The following DYRK1A variants were observed in gnomAD, a reference collection of about 807,000 sequenced individuals.
DYRK1A encodes dual specificity tyrosine-phosphorylation-regulated kinase 1A.
A neutral mutation model predicts 79.7 loss-of-function variants in DYRK1A; 9 were observed. The ratio of observed to expected loss-of-function variants is 0.11; its 90% confidence interval spans 0.07 to 0.20. The LOEUF is 0.20. Among genes scored for constraint, DYRK1A ranks in the 10% least tolerant of loss-of-function variants. DYRK1A has a pLI of 1.00. For synonymous variants in DYRK1A, 349 were observed against 329.7 expected (o/e 1.06, Z -0.63); for missense variants, 622 against 956.0 (o/e 0.65, Z 4.61).
intron 2 of DYRK1A, among the ~76,000 whole-genome samples, chr21:37,423,049 T>A (rs937049787): frequency 6.6e-6 from 1 of 152,186 alleles, no homozygotes; most frequent in African/African-American, 2.4e-5. Flanking sequence ...GGTACTATTA[T>A]AGGTGCTGCT....
intron 1 of DYRK1A, among the ~76,000 whole-genome samples, chr21:37,408,426 T>A (rs1161324855): frequency 6.6e-6 from 1 of 152,228 alleles, no homozygotes; most frequent in African/African-American, 2.4e-5. Context: ...GTTTTGCCCA[T>A]CAGATTTTCT....
intron 1 of DYRK1A, among the ~76,000 whole-genome samples, chr21:37,371,337 A>AT (rs955677015): frequency 6.6e-6 from 1 of 152,166 alleles, no homozygotes; most frequent in Non-Finnish European, 1.5e-5. Context: ...TTTGATTATT[A>AT]TTTTTTTATA....
intron 6 of DYRK1A, among the ~76,000 whole-genome samples, chr21:37,489,824 G>A (rs1286801022): frequency 6.6e-6 from 1 of 152,090 alleles, no homozygotes; most frequent in African/African-American, 2.4e-5. Context: ...GAAGTAAAAA[G>A]TGCTTTCTTT....
intron 2 of DYRK1A, among the ~76,000 whole-genome samples, chr21:37,437,367 T>TA (rs1284651699): frequency 2.0e-5 from 3 of 152,134 alleles, no homozygotes; most frequent in Non-Finnish European, 2.9e-5. Context: ...TAAAACGAGA[T>TA]ATGTTGTAGG....
intron 1 of DYRK1A, among the ~76,000 whole-genome samples, chr21:37,402,210 T>C (rs912748457): frequency 6.6e-6 from 1 of 152,228 alleles, no homozygotes; most frequent in Admixed American, 6.5e-5. Context: ...AGGAAAAATA[T>C]TTATGAAAAC....
intron 2 of DYRK1A, among the ~76,000 whole-genome samples, chr21:37,467,700 G>A (rs1042891827): frequency 6.6e-6 from 1 of 152,312 alleles, no homozygotes. Context: ...AGGAAACTTT[G>A]TTAATCTGGG....
At chr21:37,495,951 A>G (rs2053254254) in intron 8 of DYRK1A, 167 bp from the exon 9 acceptor site, 2 of 571,330 alleles carry the variant, frequency 3.5e-6, no homozygotes, top group Admixed American at 3.6e-5. Flanking sequence ...ATTTGACTCA[A>G]GGAAGGTAGG....
At chr21:37,501,177 T>TA (rs2053437340) in intron 9 of DYRK1A, 1 of 143,324 alleles carries the variant, frequency 7.0e-6, no homozygotes, top group African/African-American at 2.7e-5. Context: ...TTTTTTTTTT[T>TA]TTTTTTTTTT....
chr21:37,425,130 A>G lies in DYRK1A; in HGVS notation c.10+4746A>G, dbSNP rs74883378. Among the ~76,000 whole-genome samples, 335 of 152,250 alleles carry G rather than the reference A, an allele frequency of 2.2e-3. 10 individuals carry two copies. In the East Asian group the frequency reaches 0.05, roughly 23 times the overall value. On this transcript the variant is annotated intron_variant, in intron 2 of 11. Coordinates refer to ENST00000647188, the MANE Select transcript of DYRK1A (RefSeq NM_001347721.2). ...TTTAATACGTTTATGGCATTTGCAC[A>G]TGTTGTTTACCAGTTTTATGTCCAG...
chr21:37,420,444 C>G, intron 2 of DYRK1A, 60 bp downstream of exon 2: 1 of 1,570,624 alleles, frequency 6.4e-7, no homozygotes, highest in Non-Finnish European at 8.7e-7. Flanking sequence ...AATCGATGGT[C>G]TATTTTGAAT....
intron 1 of DYRK1A, among the ~76,000 whole-genome samples, chr21:37,408,813 T>C (rs1292250305): frequency 6.6e-6 from 1 of 152,244 alleles, no homozygotes; most frequent in Non-Finnish European, 1.5e-5. Flanking sequence ...TTGATGGTTA[T>C]GATTTTCTTT....
chr21:37,451,747 A>G (rs1366480805), intron 2 of DYRK1A, among the ~76,000 whole-genome samples: 1 of 152,186 alleles, frequency 6.6e-6, no homozygotes, highest in East Asian at 1.9e-4. Context: ...ATCGCCTGAC[A>G]GTGAATTTCT....
chr21:37,427,270 C>G (rs1433801000), intron 2 of DYRK1A, among the ~76,000 whole-genome samples: 1 of 152,168 alleles, frequency 6.6e-6, no homozygotes, highest in Non-Finnish European at 1.5e-5. Context: ...TGCTGCCACA[C>G]CTGGCTAACT....
At position 37,515,658 on chromosome 21, in the gene DYRK1A, T is replaced by C. The variant is rs2053872690; in HGVS notation, c.*3127T>C. ...TTTTACAAATTCACCTGCTTCAGTA[T>C]ATATTAAGGTGGCTTTCGAGAGGCA... On this transcript the variant is annotated 3_prime_UTR_variant, in exon 12 of 12. Transcript: ENST00000647188. The C allele has an allele frequency of 6.6e-6, 1 of 152,186 alleles. No individual in the cohort carries two copies. Among genetic ancestry groups the C allele is most frequent in the African/African-American group, 2.4e-5 (1 of 41,450 alleles). 9.4% of individuals were successfully genotyped at this position (152,186 alleles called of 1,614,324 possible).
At chr21:37,371,292 T>A (rs1041887765) in intron 1 of DYRK1A, among the ~76,000 whole-genome samples, 2 of 152,206 alleles carry the variant, frequency 1.3e-5, no homozygotes, top group South Asian at 4.1e-4. Context: ...TGAAGAAAGA[T>A]CTTATTTGTT....
chr21:37,430,310 CAT>C, intron 2 of DYRK1A: 1 of 972,676 alleles, frequency 1.0e-6, no homozygotes, highest in Non-Finnish European at 1.2e-6. Context: ...ACTGGAAGAA[CAT>C]AGTGTATTAA....
intron 2 of DYRK1A, among the ~76,000 whole-genome samples, chr21:37,468,526 C>T (rs1018336320): frequency 6.6e-6 from 1 of 152,084 alleles, no homozygotes; most frequent in Non-Finnish European, 1.5e-5. Flanking sequence ...AGTCTGTATC[C>T]AGTAGAACAG....
chr21:37,402,487 ATTCCCTCGAT>A (rs1396041842), intron 1 of DYRK1A, among the ~76,000 whole-genome samples: 2 of 152,116 alleles, frequency 1.3e-5, no homozygotes, highest in African/African-American at 4.8e-5. Context: ...GACTATCTTT[ATTCCCTCGAT>A]ATACCAGTCT....
chr21:37,385,699 G>A (rs1042686355), intron 1 of DYRK1A, among the ~76,000 whole-genome samples: 4 of 152,038 alleles, frequency 2.6e-5, no homozygotes, highest in African/African-American at 7.2e-5. Flanking sequence ...CTTTCTTATC[G>A]CTTCATGACT....
Sources: allele counts gnomAD v4.1 joint callset (sites outside exome capture counted in the v4.1 genomes callset), GRCh38; gene constraint gnomAD v4.1.1; transcripts MANE v1.5; gene names NCBI Gene and HGNC (gene_info 2026-07-23, HGNC 2026-07-21).